ENTREP2: variants seen among roughly 807,000 people sequenced by gnomAD.
ENTREP2 encodes endosomal transmembrane epsin interactor 2.
At chr15:29,282,688 C>T in the ENTREP2 span, among the ~76,000 whole-genome samples, 1 of 152,190 alleles carries the variant, frequency 6.6e-6, no homozygotes, top group Non-Finnish European at 1.5e-5. Context: ...TGAGACCCCA[C>T]TATGTGCTAC....
the ENTREP2 span, among the ~76,000 whole-genome samples, chr15:29,449,380 G>A: frequency 6.6e-6 from 1 of 152,210 alleles, no homozygotes; most frequent in African/African-American, 2.4e-5. Context: ...GGAGGCCCAG[G>A]GAGGTGGAAG....
the ENTREP2 span, among the ~76,000 whole-genome samples, chr15:29,530,583 T>C: frequency 1.3e-5 from 2 of 152,158 alleles, no homozygotes; most frequent in Non-Finnish European, 2.9e-5. Flanking sequence ...CATGTCCCCA[T>C]TGACAAGGAC....
chr15:29,401,443 A>T, the ENTREP2 span, among the ~76,000 whole-genome samples: 4 of 152,226 alleles, frequency 2.6e-5, no homozygotes, highest in African/African-American at 9.6e-5. Flanking sequence ...AAGTGAAAAC[A>T]ATAAGATAAG....
chr15:29,156,865 C>T, the ENTREP2 span, among the ~76,000 whole-genome samples: 3 of 151,956 alleles, frequency 2.0e-5, no homozygotes, highest in Non-Finnish European at 2.9e-5. Context: ...TCATGCGAGG[C>T]GGGAGGATCA....
At chr15:29,128,719 C>T in the ENTREP2 span, 46 of 1,125,820 alleles carry the variant, frequency 4.1e-5, no homozygotes, top group East Asian at 2.8e-4. Flanking sequence ...GAGAATAGGA[C>T]GAGGACGAAA....
At chr15:29,557,339 TTC>T in the ENTREP2 span, among the ~76,000 whole-genome samples, 1 of 152,178 alleles carries the variant, frequency 6.6e-6, no homozygotes, top group Admixed American at 6.5e-5. Flanking sequence ...TTTTAGTGTC[TTC>T]TCTCTGACAG....
the ENTREP2 span, chr15:29,128,709 G>GAGAAT: frequency 1.9e-6 from 2 of 1,032,052 alleles, no homozygotes; most frequent in South Asian, 1.4e-5. Flanking sequence ...GAGAAGAGAA[G>GAGAAT]AGAATAGGAC....
At chr15:29,350,318 A>C in the ENTREP2 span, among the ~76,000 whole-genome samples, 2 of 150,092 alleles carry the variant, frequency 1.3e-5, no homozygotes, top group Non-Finnish European at 3.0e-5. Context: ...ATCATGTCTG[A>C]AATCTCTTGT....
the ENTREP2 span, among the ~76,000 whole-genome samples, chr15:29,157,315 C>T: frequency 6.6e-6 from 1 of 152,172 alleles, no homozygotes; most frequent in African/African-American, 2.4e-5. Context: ...TCTGCGGGCC[C>T]CTGTGTGTCC....
At chr15:29,528,107 G>A in the ENTREP2 span, among the ~76,000 whole-genome samples, 1 of 152,120 alleles carries the variant, frequency 6.6e-6, no homozygotes, top group Non-Finnish European at 1.5e-5. Context: ...GCCCTGGGGA[G>A]CAGACCTCCT....
At chr15:29,132,501 G>A in the ENTREP2 span, among the ~76,000 whole-genome samples, 1 of 152,144 alleles carries the variant, frequency 6.6e-6, no homozygotes, top group Non-Finnish European at 1.5e-5. Context: ...TGCCAGCACT[G>A]GGAGCTGGGG....
the ENTREP2 span, among the ~76,000 whole-genome samples, chr15:29,484,613 T>C: frequency 2.6e-5 from 4 of 151,972 alleles, no homozygotes; most frequent in African/African-American, 9.7e-5. Flanking sequence ...TGTCTTTTAC[T>C]GAGAAAAAAG....
chr15:29,478,087 T>G, the ENTREP2 span, among the ~76,000 whole-genome samples: 1 of 138,372 alleles, frequency 7.2e-6, no homozygotes, highest in South Asian at 2.5e-4. Context: ...TGCAGTGGCG[T>G]GATCTCAGCT....
the ENTREP2 span, among the ~76,000 whole-genome samples, chr15:29,446,891 T>C: frequency 6.6e-6 from 1 of 152,138 alleles, no homozygotes; most frequent in East Asian, 1.9e-4. Flanking sequence ...CAGTCACACC[T>C]CCTTCTGATT....
chr15:29,300,629 C>T, the ENTREP2 span, among the ~76,000 whole-genome samples: 25 of 152,216 alleles, frequency 1.6e-4, no homozygotes, highest in Non-Finnish European at 3.2e-4. Context: ...GATGGAGTCT[C>T]GCTCTGTCAG....
the ENTREP2 span, among the ~76,000 whole-genome samples, chr15:29,280,597 C>G: frequency 6.6e-6 from 1 of 152,120 alleles, no homozygotes; most frequent in African/African-American, 2.4e-5. Context: ...CATGTCAGCA[C>G]CTGGGTTATG....
chr15:29,433,585 C>T, the ENTREP2 span, among the ~76,000 whole-genome samples: 1 of 152,102 alleles, frequency 6.6e-6, no homozygotes, highest in Admixed American at 6.5e-5. Context: ...CAGAATGTCC[C>T]TTTTAGTCAA....
At chr15:29,541,030 A>G in the ENTREP2 span, among the ~76,000 whole-genome samples, 7 of 152,206 alleles carry the variant, frequency 4.6e-5, no homozygotes, top group African/African-American at 1.7e-4. Context: ...TGCCTTCTCA[A>G]AATGACAGAG....
At chr15:29,629,505 T>C in the ENTREP2 span, among the ~76,000 whole-genome samples, 37 of 152,340 alleles carry the variant, frequency 2.4e-4, no homozygotes, top group East Asian at 3.9e-3. Context: ...TACCAAAATA[T>C]ATGAAGCATA....
Sources: allele counts gnomAD v4.1 joint callset (sites outside exome capture counted in the v4.1 genomes callset), GRCh38; gene constraint gnomAD v4.1.1; transcripts MANE v1.5; gene names NCBI Gene and HGNC (gene_info 2026-07-23, HGNC 2026-07-21).